The following BAALC variants were observed in gnomAD, a reference collection of about 807,000 sequenced individuals.
BAALC encodes brain and acute leukemia cytoplasmic protein.
BAALC carries 9 observed loss-of-function variants against 15.5 expected under a neutral mutation model. That is an observed-to-expected ratio of 0.58 (90% CI 0.35 to 1.02). The LOEUF is 1.02. Ranked by LOEUF, BAALC falls within the 50% of genes least tolerant of loss-of-function variation. The pLI, the probability that BAALC is intolerant of heterozygous loss-of-function variation, is 0.02. For synonymous variants in BAALC, 80 were observed against 74.6 expected (o/e 1.07, Z -0.37); for missense variants, 201 against 192.4 (o/e 1.04, Z -0.27).
intron 1 of BAALC, among the ~76,000 whole-genome samples, chr8:103,185,781 T>C (rs377349868): frequency 6.6e-6 from 1 of 152,220 alleles, no homozygotes; most frequent in East Asian, 1.9e-4. Context: ...GCACTGGGGA[T>C]GAACATAACC....
At chr8:103,192,177 G>A (rs995112266) in intron 1 of BAALC, among the ~76,000 whole-genome samples, 9 of 152,050 alleles carry the variant, frequency 5.9e-5, no homozygotes, top group Non-Finnish European at 1.0e-4. Context: ...TCAGCCTCCC[G>A]AGTAGCTGGG....
intron 1 of BAALC, chr8:103,141,266 C>CAGCTGG: frequency 1.9e-6 from 1 of 528,312 alleles, no homozygotes; most frequent in Non-Finnish European, 3.1e-6. Context: ...AAGGCTGCGC[C>CAGCTGG]GATGCCCCAG....
At chr8:103,223,035 G>A (rs541582370) in intron 2 of BAALC, among the ~76,000 whole-genome samples, 168 of 152,284 alleles carry the variant, frequency 1.1e-3, no homozygotes, top group South Asian at 1.5e-3. Context: ...CGGGCCGGGC[G>A]TGGTGGCTGG....
chr8:103,163,136 T>C (rs959077882), intron 1 of BAALC, among the ~76,000 whole-genome samples: 1 of 151,884 alleles, frequency 6.6e-6, no homozygotes, highest in African/African-American at 2.4e-5. Context: ...ATTTTGGAAA[T>C]GGACCTTCTC....
intron 1 of BAALC, among the ~76,000 whole-genome samples, chr8:103,185,994 T>G (rs1811826640): frequency 6.6e-6 from 1 of 152,154 alleles, no homozygotes; most frequent in South Asian, 2.1e-4. Flanking sequence ...TCTGGTGTCT[T>G]GGGTTAGTTC....
At chr8:103,165,636 A>T (rs938706401) in intron 1 of BAALC, 7 of 152,164 alleles carry the variant, frequency 4.6e-5, no homozygotes, top group African/African-American at 1.7e-4. Context: ...ACCAGAATGC[A>T]TTTTCTTACC....
At chr8:103,188,661 C>A (rs1321084615) in intron 1 of BAALC, among the ~76,000 whole-genome samples, 1 of 152,206 alleles carries the variant, frequency 6.6e-6, no homozygotes, top group Non-Finnish European at 1.5e-5. Flanking sequence ...ATAAAATACA[C>A]CTGCATGTTC....
chr8:103,156,637 C>T (rs1845430), intron 1 of BAALC, among the ~76,000 whole-genome samples: 59,952 of 152,030 alleles, frequency 0.39, 11,862 homozygotes, highest in Middle Eastern at 0.52. Context: ...TTCTAACAGG[C>T]GTGAGGAATA....
intron 2 of BAALC, among the ~76,000 whole-genome samples, chr8:103,215,578 T>A (rs1167513806): frequency 6.6e-6 from 1 of 152,108 alleles, no homozygotes; most frequent in East Asian, 1.9e-4. Flanking sequence ...GTCTGTTCCA[T>A]ATATATTATT....
chr8:103,205,507 C>A (rs1008078522), intron 1 of BAALC, among the ~76,000 whole-genome samples: 1 of 152,040 alleles, frequency 6.6e-6, no homozygotes, highest in African/African-American at 2.4e-5. Flanking sequence ...AAAACTAACA[C>A]GAGTGTTGAT....
chr8:103,221,177 T>C (rs946663855), intron 2 of BAALC, among the ~76,000 whole-genome samples: 1 of 152,166 alleles, frequency 6.6e-6, no homozygotes. Context: ...TCACGGTCAA[T>C]CTGGTTACCC....
intron 1 of BAALC, among the ~76,000 whole-genome samples, chr8:103,171,346 G>A (rs903297): frequency 0.24 from 34,285 of 142,900 alleles, 4,845 homozygotes; most frequent in Non-Finnish European, 0.34. Flanking sequence ...AAGGAAGGAG[G>A]AAAGAGCAAG....
chr8:103,216,544 G>A (rs563946774), intron 2 of BAALC, among the ~76,000 whole-genome samples: 3 of 152,252 alleles, frequency 2.0e-5, no homozygotes, highest in Non-Finnish European at 4.4e-5. Context: ...CTGGAGTGCA[G>A]TGGTTCGGTC....
chr8:103,219,025 G>A lies in BAALC; in HGVS notation c.327+5940G>A, dbSNP rs114363007. On this transcript the variant is annotated intron_variant, in intron 2 of 2. Coordinates refer to ENST00000309982, the MANE Select transcript of BAALC (RefSeq NM_024812.3). ...AAACAGGACATTAAAAGGAGGGAGC[G>A]AACAACAGAAACCTCTGGGAAAACC... Among the ~76,000 whole-genome samples, 494 of 152,264 alleles carry A rather than the reference G, an allele frequency of 3.2e-3. 1 individual carries two copies. Among genetic ancestry groups the A allele is most frequent in the African/African-American group, 0.01 (418 of 41,538 alleles).
At chr8:103,162,921 C>T (rs190247651) in intron 1 of BAALC, among the ~76,000 whole-genome samples, 2 of 152,242 alleles carry the variant, frequency 1.3e-5, no homozygotes, top group Admixed American at 1.3e-4. Context: ...GTCCCTGTTC[C>T]CCCAAGTCTC....
chr8:103,180,641 G>C (rs1461785618), intron 1 of BAALC, among the ~76,000 whole-genome samples: 1 of 152,234 alleles, frequency 6.6e-6, no homozygotes, highest in Non-Finnish European at 1.5e-5. Flanking sequence ...GATGTAGGGA[G>C]AGGATTAGAC....
intron 2 of BAALC, among the ~76,000 whole-genome samples, chr8:103,214,335 G>A (rs1234077234): frequency 1.3e-5 from 2 of 152,218 alleles, no homozygotes; most frequent in Non-Finnish European, 2.9e-5. Flanking sequence ...CAGATATGTA[G>A]TCTGTAACAA....
chr8:103,186,175 A>T (rs1346492671), intron 1 of BAALC, among the ~76,000 whole-genome samples: 3 of 152,100 alleles, frequency 2.0e-5, no homozygotes, highest in Non-Finnish European at 2.9e-5. Flanking sequence ...TCATCCCCTT[A>T]CTGGATGTCC....
chr8:103,214,821 G>A (rs1415734869), intron 2 of BAALC: 1 of 152,224 alleles, frequency 6.6e-6, no homozygotes, highest in Non-Finnish European at 1.5e-5. Context: ...AACACTAATG[G>A]TGGCCCTGCA....
Sources: gnomAD v4.1 joint callset for allele counts (sites outside exome capture counted in the v4.1 genomes callset) on GRCh38, gnomAD v4.1.1 for gene constraint, MANE v1.5 for transcripts, NCBI Gene and HGNC (gene_info 2026-07-23, HGNC 2026-07-21) for gene names.